ZNF577: variants seen among roughly 807,000 people sequenced by gnomAD.
ZNF577 encodes zinc finger protein 577.
Under a neutral mutation model 13.9 loss-of-function variants are expected in ZNF577, and 14 were observed. That is an observed-to-expected ratio of 1.00 (90% CI 0.66 to 1.57). ZNF577 has a LOEUF of 1.57. ZNF577 is among the 40% of genes most tolerant of loss of function. ZNF577 has a pLI of 0.00. For synonymous variants in ZNF577, 203 were observed against 202.9 expected, an observed-to-expected ratio of 1.00 and a Z score of 0.00; for missense variants, 555 against 579.2, an observed-to-expected ratio of 0.96 and a Z score of 0.43.
rs1333910173 is a variant in ZNF577, at chr19:51,867,089, C to T, written c.*5443G>A. 6.6e-6 allele frequency among the ~76,000 whole-genome samples: 1 copy of T among 152,190 alleles called. No homozygotes were observed. The highest frequency in any genetic ancestry group is 1.5e-5 in the Non-Finnish European group (1 of 68,032). On this transcript the variant is annotated 3_prime_UTR_variant, in exon 6 of 6. Coordinates refer to ENST00000638348, the MANE Select transcript of ZNF577 (RefSeq NM_001370449.1). ...ACATATTTATTCACCTGTATTCACA[C>T]TTAAGGCACTCTGTATGAAGCTACA...
intron 9 of ZNF577, among the ~76,000 whole-genome samples, chr19:51,822,609 A>T (rs2084198586): frequency 6.6e-6 from 1 of 152,222 alleles, no homozygotes; most frequent in Admixed American, 6.5e-5. Flanking sequence ...AACTACAAAC[A>T]ATGAATATTA....
intron 9 of ZNF577, among the ~76,000 whole-genome samples, chr19:51,835,411 T>TAAA (rs201214634): frequency 7.8e-5 from 11 of 141,854 alleles, no homozygotes; most frequent in Admixed American, 1.4e-4. Flanking sequence ...CAATACCCAT[T>TAAA]AAAAAAAAAA....
chr19:51,811,168 C>A (rs1316822405), intron 10 of ZNF577, among the ~76,000 whole-genome samples: 1 of 152,134 alleles, frequency 6.6e-6, no homozygotes, highest in East Asian at 1.9e-4. Context: ...GTGGAGAAAA[C>A]AGAAGGATCA....
intron 9 of ZNF577, among the ~76,000 whole-genome samples, chr19:51,817,184 G>A (rs2084143164): frequency 6.6e-6 from 1 of 152,114 alleles, no homozygotes; most frequent in Non-Finnish European, 1.5e-5. Flanking sequence ...TCTGTCACTG[G>A]ATTGATTCCA....
intron 5 of ZNF577, among the ~76,000 whole-genome samples, chr19:51,876,367 A>C (rs1318945558): frequency 6.6e-6 from 1 of 152,028 alleles, no homozygotes; most frequent in Non-Finnish European, 1.5e-5. Context: ...AGTAGCAGAC[A>C]TGCTACTTTG....
At position 51,824,792 on chromosome 19, in the gene ZNF577, G is replaced by A. The variant is rs1342444928; in HGVS notation, c.*600-13118C>T. On this transcript the variant is annotated intron_variant and NMD_transcript_variant, in intron 9 of 10. Coordinates refer to the ZNF577 transcript ENST00000638827. This position sits in a 1 kb window ranked among gnomAD's most constrained non-coding sequence, Gnocchi z 4.7. ...CTTCTGCTTCACCTCCTGAGGAGAC[G>A]GAGTTACAAGCAATGTGAGGTCGGG... 5.0e-6 allele frequency: 8 copies of A among 1,611,756 alleles called. No individual in the cohort carries two copies. The highest frequency in any genetic ancestry group is 1.3e-5 in the African/African-American group (1 of 74,848).
chr19:51,856,815 G>A (rs1382712846), intron 5 of ZNF577, among the ~76,000 whole-genome samples: 1 of 152,174 alleles, frequency 6.6e-6, no homozygotes, highest in Non-Finnish European at 1.5e-5. Context: ...CCAGAGGCTT[G>A]ATTGGAAAAG....
chr19:51,872,425 C>T lies in ZNF577; in HGVS notation c.*107G>A, dbSNP rs541750010. 4.8e-5 allele frequency: 45 copies of T among 941,748 alleles called. No individual in the cohort carries two copies. In the East Asian group the frequency reaches 1.2e-3, roughly 25 times the overall value. The allele number at this position is 941,748 out of a possible 1,614,324, so 58.3% of individuals were successfully genotyped here. ...GTTTGACTTCTCACAGAAATGTCCT[C>T]CACAACCACTGCCTCCACAGTGTTT... is the stretch of plus-strand genomic sequence containing the variant. On this transcript the variant is annotated 3_prime_UTR_variant, in exon 6 of 6. Coordinates refer to ENST00000638348, the MANE Select transcript of ZNF577 (RefSeq NM_001370449.1).
intron 10 of ZNF577, among the ~76,000 whole-genome samples, chr19:51,805,488 G>A (rs1247441227): frequency 6.6e-6 from 1 of 152,136 alleles, no homozygotes; most frequent in East Asian, 1.9e-4. Context: ...TTGCAAATGG[G>A]CTTTCACAAG....
At chr19:51,861,680 T>C (rs8109345) in intron 5 of ZNF577, 40,845 of 152,170 alleles carry the variant, frequency 0.27, 7,763 homozygotes, top group African/African-American at 0.53. Context: ...TAGTAATAGC[T>C]GATTTCTGAG....
intron 5 of ZNF577, among the ~76,000 whole-genome samples, chr19:51,847,256 A>G (rs749718444): frequency 3.3e-5 from 5 of 152,132 alleles, no homozygotes; most frequent in Non-Finnish European, 7.4e-5. Context: ...TCTTCGACAT[A>G]AGATATTGGG....
At chr19:51,827,494 T>G (rs2084238271) in intron 9 of ZNF577, among the ~76,000 whole-genome samples, 2 of 152,208 alleles carry the variant, frequency 1.3e-5, no homozygotes, top group African/African-American at 4.8e-5. Context: ...AATAAGATAG[T>G]GTCTGATATG....
At chr19:51,819,966 T>A (rs1437207106) in intron 9 of ZNF577, among the ~76,000 whole-genome samples, 1 of 151,958 alleles carries the variant, frequency 6.6e-6, no homozygotes, top group African/African-American at 2.4e-5. Context: ...GGAAAGCAAA[T>A]GTAAAGAGGG....
intron 9 of ZNF577, among the ~76,000 whole-genome samples, chr19:51,818,379 C>T (rs898275707): frequency 3.3e-5 from 5 of 152,136 alleles, no homozygotes; most frequent in Non-Finnish European, 7.3e-5. Context: ...AAACACGGCC[C>T]GTGTTTACAG....
chr19:51,876,484 G>A (rs1259722304), intron 5 of ZNF577, among the ~76,000 whole-genome samples: 1 of 151,980 alleles, frequency 6.6e-6, no homozygotes, highest in East Asian at 1.9e-4. Flanking sequence ...GGAAAGGCGG[G>A]GAGCAGTGGG....
rs188038103 is a variant in ZNF577, at chr19:51,870,095, C to T, written c.*2437G>A. ...GTCCAGTGCGTAGACTGAGCTTCAT[C>T]TGCCCCTTGTTCAGGTGGGGGGAAC... On this transcript the variant is annotated 3_prime_UTR_variant, in exon 6 of 6. Coordinates refer to ENST00000638348, the MANE Select transcript of ZNF577 (RefSeq NM_001370449.1). Among the ~76,000 whole-genome samples, 362 of 152,360 alleles carry T rather than the reference C, an allele frequency of 2.4e-3. No homozygotes were observed. The highest frequency in any genetic ancestry group is 3.9e-3 in the Non-Finnish European group (265 of 68,030).
In ZNF577 at chr19:51,867,717, G is replaced by A. The variant is rs2084587976; in HGVS notation, c.*4815C>T. On this transcript the variant is annotated 3_prime_UTR_variant, in exon 6 of 6. Coordinates refer to ENST00000638348, the MANE Select transcript of ZNF577 (RefSeq NM_001370449.1). ...GGACAATCACTTGAAACCGGAAGGT[G>A]GAGGTTGCAGTGACCCACGATTACG... is the stretch of plus-strand genomic sequence containing the variant. Among the ~76,000 whole-genome samples, 1 of 152,038 alleles carries A rather than the reference G, an allele frequency of 6.6e-6. No homozygotes were observed.
chr19:51,817,387 TAAAG>T (rs371137892), intron 9 of ZNF577, among the ~76,000 whole-genome samples: 4 of 151,866 alleles, frequency 2.6e-5, no homozygotes, highest in East Asian at 1.9e-4. Flanking sequence ...CAAGAAATCA[TAAAG>T]AGAGAGAGAG....
intron 5 of ZNF577, among the ~76,000 whole-genome samples, chr19:51,849,656 A>G (rs2084370351): frequency 6.6e-6 from 1 of 152,234 alleles, no homozygotes; most frequent in Non-Finnish European, 1.5e-5. Flanking sequence ...AACGCTGTTA[A>G]GGAAACGATA....
Sources: allele counts gnomAD v4.1 joint callset (sites outside exome capture counted in the v4.1 genomes callset), GRCh38; gene constraint gnomAD v4.1.1; non-coding constraint Gnocchi (gnomAD v3.1); transcripts MANE v1.5; gene names NCBI Gene and HGNC (gene_info 2026-07-23, HGNC 2026-07-21).